PRDM6: variants seen among roughly 807,000 people sequenced by gnomAD.
The protein encoded by PRDM6 is PR/SET domain 6, also known as putative histone-lysine N-methyltransferase PRDM6.
A neutral mutation model predicts 60.8 loss-of-function variants in PRDM6; 25 were observed. The ratio of observed to expected loss-of-function variants is 0.41; its 90% CI spans 0.30 to 0.57. The LOEUF is 0.57. Among genes scored for constraint, PRDM6 ranks in the 20% least tolerant of loss-of-function variants. PRDM6 has a pLI of 0.27. For synonymous variants in PRDM6, 407 were observed against 357.4 expected (o/e 1.14, Z -1.57); for missense variants, 839 against 821.3 (o/e 1.02, Z -0.26).
At chr5:123,146,356 C>T (rs1262234398) in intron 3 of PRDM6, among the ~76,000 whole-genome samples, 1 of 152,180 alleles carries the variant, frequency 6.6e-6, no homozygotes, top group Admixed American at 6.5e-5. Flanking sequence ...GCAGTGTGAG[C>T]ATTAACTTAA....
intron 5 of PRDM6, among the ~76,000 whole-genome samples, chr5:123,166,604 C>T (rs1561871753): frequency 6.6e-6 from 1 of 152,186 alleles, no homozygotes; most frequent in South Asian, 2.1e-4. Context: ...ACTGTCTTTC[C>T]CACTAGAGTT....
Position 123,130,016 on chromosome 5 carries a change from TTTCCC to T in PRDM6, c.901-25851_901-25847del, listed in dbSNP as rs570664101. ...CTTCCCATTTCCCTTTCCTTTTCCC[TTTCCC>T]TTCCCTTCCCTTCCCTGTCCTTTCC... On this transcript the variant is annotated intron_variant, in intron 3 of 7. Coordinates refer to ENST00000407847, the MANE Select transcript of PRDM6 (RefSeq NM_001136239.4). 1.6e-4 allele frequency among the ~76,000 whole-genome samples: 21 copies of T among 131,994 alleles called. No homozygotes were observed. The East Asian group carries it at 1.8e-3, about 12-fold the overall frequency. The allele number at this position is 131,994 out of a possible 152,430, so 86.6% of individuals were successfully genotyped here.
intron 7 of PRDM6, among the ~76,000 whole-genome samples, chr5:123,185,579 G>C (rs1484896007): frequency 1.3e-5 from 2 of 152,158 alleles, no homozygotes; most frequent in Admixed American, 1.3e-4. Context: ...TTATACATTT[G>C]TCAAGATCAC....
At chr5:123,125,150 CT>C (rs202216391) in intron 3 of PRDM6, among the ~76,000 whole-genome samples, 771 of 10,412 alleles carry the variant, frequency 0.074, 16 homozygotes, top group African/African-American at 0.16. Context: ...ACCGCACCCC[CT>C]CCCCCCCACC....
Position 123,122,053 on chromosome 5 carries a change from C to G in PRDM6, c.900+22092C>G, listed in dbSNP as rs145718695. On this transcript the variant is annotated intron_variant, in intron 3 of 7. Transcript: ENST00000407847. ...TGGCGGGCGCCTGTAATCCCAGCTACTAGGGAGGCTGAGGCAGAAGAATCG... is the reference window on the plus strand; with the variant it reads ...TGGCGGGCGCCTGTAATCCCAGCTAGTAGGGAGGCTGAGGCAGAAGAATCG... Among the ~76,000 whole-genome samples, 69 of 146,906 alleles carry G rather than the reference C, an allele frequency of 4.7e-4. No individual in the cohort carries two copies. The East Asian group carries it at 0.012, about 25-fold the overall frequency.
At chr5:123,113,702 C>T (rs1440207032) in intron 3 of PRDM6, among the ~76,000 whole-genome samples, 1 of 152,184 alleles carries the variant, frequency 6.6e-6, no homozygotes, top group Non-Finnish European at 1.5e-5. Context: ...GCCTCAGCCT[C>T]TGCCACAGGC....
intron 7 of PRDM6, among the ~76,000 whole-genome samples, chr5:123,182,822 TTTTA>T (rs1413415462): frequency 6.6e-6 from 1 of 152,204 alleles, no homozygotes; most frequent in Non-Finnish European, 1.5e-5. Flanking sequence ...AGTTGTTTTT[TTTTA>T]TTTTAATTTA....
intron 3 of PRDM6, among the ~76,000 whole-genome samples, chr5:123,129,362 A>AT (rs1273756217): frequency 3.9e-5 from 6 of 152,118 alleles, no homozygotes; most frequent in African/African-American, 1.4e-4. Context: ...CAGTATGGCC[A>AT]TTTTCACAAT....
At chr5:123,114,235 C>T (rs112728200) in intron 3 of PRDM6, among the ~76,000 whole-genome samples, 2 of 152,342 alleles carry the variant, frequency 1.3e-5, no homozygotes, top group African/African-American at 4.8e-5. Flanking sequence ...TTTCCAAGCC[C>T]AGGTCTGCTT....
chr5:123,104,124 A>G (rs544244521), intron 3 of PRDM6, among the ~76,000 whole-genome samples: 228 of 152,234 alleles, frequency 1.5e-3, no homozygotes, highest in Middle Eastern at 0.01. Flanking sequence ...TTTAGATTTA[A>G]TAAGAGTTTT....
chr5:123,090,249 G>C lies in PRDM6; in HGVS notation c.235G>C (p.Ala79Pro), dbSNP rs1169302387. 1 of 1,483,840 alleles carries C rather than the reference G, an allele frequency of 6.7e-7. No individual in the cohort carries two copies. The highest frequency in any genetic ancestry group is 3.0e-5 in the East Asian group (1 of 33,604). The allele number at this position is 1,483,840 out of a possible 1,614,324, so 91.9% of individuals were successfully genotyped here. A position where few individuals can be genotyped will look rare whatever the true frequency, so the allele number is the denominator to read the frequency against. Residue 79 changes from alanine (A) to proline (P), a missense_variant, in exon 2 of 8, where the codon GCC (alanine) becomes CCC (proline). This residue lies in a region of PRDM6 where 730 missense variants were observed against 648.8 expected (regional missense o/e 1.13). Transcript: ENST00000407847. ...CCCGCGGCCCGCCTCTCTCTCCTCC[G>C]CCTCGTCCACGCCGGCTTCCTCTTC... is the stretch of plus-strand genomic sequence containing the variant. ...LRPRPASLSS[A>P]SSTPASSSTS...
intron 3 of PRDM6, among the ~76,000 whole-genome samples, chr5:123,149,230 G>A (rs1765320706): frequency 6.6e-6 from 1 of 152,178 alleles, no homozygotes; most frequent in Admixed American, 6.5e-5. Flanking sequence ...TGTGGTATTT[G>A]CTGTTTTCCT....
Position 123,145,085 on chromosome 5 carries a change from A to C in PRDM6, c.901-10799A>C, listed in dbSNP as rs1191144058. On this transcript the variant is annotated intron_variant, in intron 3 of 7. Transcript: ENST00000407847. ...TTTTATCCTTGCCCTCATTGAGGTT[A>C]TATCCTTGCATGCTTGTTTAATGCT... Among the ~76,000 whole-genome samples the C allele has an allele frequency of 2.6e-5, 4 of 152,318 alleles. No individual in the cohort carries two copies. In the East Asian group the frequency reaches 7.7e-4, roughly 29 times the overall value.
chr5:123,162,201 G>T (rs1373734429), intron 5 of PRDM6, among the ~76,000 whole-genome samples: 2 of 152,104 alleles, frequency 1.3e-5, no homozygotes, highest in Non-Finnish European at 2.9e-5. Flanking sequence ...TCTCTGGCGT[G>T]GGAGACTCAT....
Position 123,099,466 on chromosome 5 carries a change from G to C in PRDM6, c.593-188G>C, listed in dbSNP as rs1764045794. 1.3e-5 allele frequency among the ~76,000 whole-genome samples: 2 copies of C among 152,194 alleles called. No homozygotes were observed. The highest frequency in any genetic ancestry group is 2.9e-5 in the Non-Finnish European group (2 of 68,034). ...GATCTGGGTGCGGCGAATTCCAAGG[G>C]AGCGGCGCGGGTTCTCTTCTCCTCC... On this transcript the variant is annotated intron_variant, in intron 2 of 7. Transcript: ENST00000407847. This position sits in a 1 kb window ranked among gnomAD's most constrained non-coding sequence, Gnocchi z 4.0.
At chr5:123,147,931 G>A (rs1765284421) in intron 3 of PRDM6, among the ~76,000 whole-genome samples, 2 of 152,274 alleles carry the variant, frequency 1.3e-5, no homozygotes, top group South Asian at 4.2e-4. Context: ...AGGAGTGCCT[G>A]AGTCCCCATG....
At chr5:123,100,022 TTGGCCGGCAGGGAGCC>T in intron 3 of PRDM6, 61 bp downstream of exon 3, 4 of 1,431,240 alleles carry the variant, frequency 2.8e-6, no homozygotes, top group Non-Finnish European at 3.7e-6. Context: ...GCAGGGAGCC[TTGGCCGGCAGGGAGCC>T]TGGCCTTTGG....
intron 3 of PRDM6, among the ~76,000 whole-genome samples, chr5:123,114,738 C>G (rs461598): frequency 6.6e-6 from 1 of 152,244 alleles, no homozygotes; most frequent in Admixed American, 6.5e-5. Context: ...TGCTGAAAGC[C>G]TGGTGTTTTC....
At chr5:123,095,734 C>T (rs1763942457) in intron 2 of PRDM6, among the ~76,000 whole-genome samples, 1 of 152,218 alleles carries the variant, frequency 6.6e-6, no homozygotes, top group African/African-American at 2.4e-5. Flanking sequence ...CGGGTGAGAG[C>T]CAACGAAGGC....
Sources: allele counts gnomAD v4.1 joint callset (sites outside exome capture counted in the v4.1 genomes callset), GRCh38; gene constraint gnomAD v4.1.1; regional missense constraint gnomAD v4.1.1; non-coding constraint Gnocchi (gnomAD v3.1); transcripts MANE v1.5; gene names NCBI Gene and HGNC (gene_info 2026-07-23, HGNC 2026-07-21).